Variants in KCNK2 observed in about 807,000 individuals in gnomAD.
KCNK2 encodes potassium channel subfamily K member 2.
Under a neutral mutation model 40.5 loss-of-function variants are expected in KCNK2, and 21 were observed. The ratio of observed to expected loss-of-function variants is 0.52; its 90% CI spans 0.37 to 0.75. KCNK2 has a LOEUF of 0.75. Ranked by LOEUF, KCNK2 falls within the 30% of genes least tolerant of loss-of-function variation. KCNK2 has a pLI of 0.00. For synonymous variants in KCNK2, 191 were observed against 202.2 expected (o/e 0.94, Z 0.47); for missense variants, 399 against 531.6 (o/e 0.75, Z 2.45).
chr1:215,109,076 A>G (rs1431457557), intron 2 of KCNK2, among the ~76,000 whole-genome samples: 1 of 151,746 alleles, frequency 6.6e-6, no homozygotes, highest in East Asian at 1.9e-4. Flanking sequence ...TAATTTTTTG[A>G]TACATTATAT....
chr1:215,076,457 A>T (rs1658930441), intron 1 of KCNK2, among the ~76,000 whole-genome samples: 1 of 152,122 alleles, frequency 6.6e-6, no homozygotes, highest in South Asian at 2.1e-4. Context: ...GCTTGACTGG[A>T]GAAGGACCTG....
At chr1:215,191,803 G>C (rs895141758) in intron 5 of KCNK2, among the ~76,000 whole-genome samples, 1 of 152,182 alleles carries the variant, frequency 6.6e-6, no homozygotes. Context: ...AAAGAAAAAA[G>C]AGCAGTGGAG....
intron 2 of KCNK2, among the ~76,000 whole-genome samples, chr1:215,101,702 T>G (rs1054705606): frequency 2.0e-5 from 3 of 152,004 alleles, no homozygotes; most frequent in Admixed American, 2.0e-4. Flanking sequence ...CAATGATGGA[T>G]TGCATATATG....
rs181056730 is a variant in KCNK2, at chr1:215,197,715, C to T, written c.963+2623C>T. ...ATAACTGATTTATTCAAAATGAAAA[C>T]AAGACCGGGTGGGGTTGCTTACGCC... On this transcript the variant is annotated intron_variant, in intron 6 of 6. Coordinates refer to ENST00000444842, the MANE Select transcript of KCNK2 (RefSeq NM_001017425.3). 3.7e-3 allele frequency among the ~76,000 whole-genome samples: 561 copies of T among 152,210 alleles called. 1 individual carries two copies. Among genetic ancestry groups the T allele is most frequent in the African/African-American group, 0.013 (538 of 41,556 alleles).
At chr1:215,109,536 A>G (rs1490267674) in intron 2 of KCNK2, among the ~76,000 whole-genome samples, 1 of 151,784 alleles carries the variant, frequency 6.6e-6, no homozygotes, top group African/African-American at 2.4e-5. Context: ...AAGTGACATG[A>G]TTTAATTCTT....
intron 1 of KCNK2, among the ~76,000 whole-genome samples, chr1:215,049,873 T>C (rs969742451): frequency 1.3e-5 from 2 of 152,138 alleles, no homozygotes; most frequent in African/African-American, 4.8e-5. Context: ...TGTTTATCCT[T>C]CCATCAATAT....
chr1:215,095,955 G>A (rs1035870488), intron 2 of KCNK2, among the ~76,000 whole-genome samples: 5 of 151,992 alleles, frequency 3.3e-5, no homozygotes, highest in African/African-American at 2.4e-5. Context: ...TCTTCATGCC[G>A]GGGCATGACT....
At chr1:215,076,288 A>C (rs961158781) in intron 1 of KCNK2, among the ~76,000 whole-genome samples, 5 of 152,228 alleles carry the variant, frequency 3.3e-5, no homozygotes, top group African/African-American at 1.2e-4. Flanking sequence ...TGGTGCATAG[A>C]AAACTAGCCC....
chr1:215,124,529 G>T, intron 2 of KCNK2, 104 bp from the exon 3 acceptor site: 1 of 763,574 alleles, frequency 1.3e-6, no homozygotes. Flanking sequence ...AAATGTTAGA[G>T]TTGATTCTCT....
At chr1:215,117,598 C>T (rs1311324676) in intron 2 of KCNK2, among the ~76,000 whole-genome samples, 5 of 152,102 alleles carry the variant, frequency 3.3e-5, no homozygotes. Context: ...GCCATTTTGC[C>T]TGCACCAAAT....
intron 5 of KCNK2, among the ~76,000 whole-genome samples, chr1:215,192,399 C>T (rs868136486): frequency 3.1e-4 from 47 of 152,240 alleles, no homozygotes; most frequent in Middle Eastern, 6.8e-3. Context: ...CAAATATAGA[C>T]CTTTTAGTGA....
At chr1:215,199,839 G>C (rs1463902186) in intron 6 of KCNK2, among the ~76,000 whole-genome samples, 2 of 152,160 alleles carry the variant, frequency 1.3e-5, no homozygotes, top group Admixed American at 6.5e-5. Context: ...GGAAAGCAGG[G>C]AGTAGAGCAT....
chr1:215,102,010 T>C (rs950779730), intron 2 of KCNK2, among the ~76,000 whole-genome samples: 2 of 152,070 alleles, frequency 1.3e-5, no homozygotes, highest in Admixed American at 1.3e-4. Flanking sequence ...AATTGATATA[T>C]AATAGTTGTG....
chr1:215,046,836 G>A (rs1340027630), intron 1 of KCNK2, among the ~76,000 whole-genome samples: 1 of 152,090 alleles, frequency 6.6e-6, no homozygotes, highest in Non-Finnish European at 1.5e-5. Context: ...ATCCAAGGAA[G>A]TATTGAAGTT....
At chr1:215,155,897 A>G (rs1333653256) in intron 3 of KCNK2, among the ~76,000 whole-genome samples, 1 of 152,186 alleles carries the variant, frequency 6.6e-6, no homozygotes, top group Non-Finnish European at 1.5e-5. Flanking sequence ...CCCACTCTCT[A>G]AAGTATCTTG....
chr1:215,214,888 C>T (rs1391159168), intron 6 of KCNK2, among the ~76,000 whole-genome samples: 2 of 151,940 alleles, frequency 1.3e-5, no homozygotes, highest in Non-Finnish European at 2.9e-5. Flanking sequence ...TGGATTGTCC[C>T]CTATTGGAGA....
At chr1:215,156,946 G>A (rs892712122) in intron 3 of KCNK2, among the ~76,000 whole-genome samples, 5 of 98,510 alleles carry the variant, frequency 5.1e-5, no homozygotes, top group African/African-American at 1.3e-4. Flanking sequence ...AGCTACTCGC[G>A]AGGCTGAGGC....
At chr1:215,120,378 T>G (rs1195897640) in intron 2 of KCNK2, among the ~76,000 whole-genome samples, 1 of 152,182 alleles carries the variant, frequency 6.6e-6, no homozygotes, top group Non-Finnish European at 1.5e-5. Flanking sequence ...CCATGTATGT[T>G]TCTTCTTTTC....
chr1:215,207,312 C>G (rs1298329728), intron 6 of KCNK2, among the ~76,000 whole-genome samples: 1 of 152,116 alleles, frequency 6.6e-6, no homozygotes, highest in Non-Finnish European at 1.5e-5. Context: ...CTATTGTGAA[C>G]TGTGCACACG....
Sources: gnomAD v4.1 joint callset for allele counts (sites outside exome capture counted in the v4.1 genomes callset) on GRCh38, gnomAD v4.1.1 for gene constraint, MANE v1.5 for transcripts, NCBI Gene and HGNC (gene_info 2026-07-23, HGNC 2026-07-21) for gene names.